The following C16orf46 variants were observed in gnomAD, a reference collection of about 807,000 sequenced individuals.
The protein encoded by C16orf46 is chromosome 16 open reading frame 46.
A neutral mutation model predicts 5.5 loss-of-function variants in C16orf46; 7 were observed. The observed-to-expected ratio is 1.28, with a 90% CI of 0.73 to 2.40. The LOEUF is 2.40. C16orf46 is among the 30% of genes most tolerant of loss of function. The probability of loss-of-function intolerance (pLI) is 0.00; values close to 1 mark genes in which losing one functional copy is unlikely to be tolerated. For missense variants in C16orf46, 614 were observed against 476.0 expected (o/e 1.29, Z -2.70); for synonymous variants, 200 against 184.1 (o/e 1.09, Z -0.70).
chr16:81,065,796 T>C (rs1293891274), intron 2 of C16orf46, among the ~76,000 whole-genome samples: 9 of 148,856 alleles, frequency 6.0e-5, no homozygotes, highest in Non-Finnish European at 1.2e-4. Flanking sequence ...TTTGGCTTTT[T>C]CACATAGGCT....
At chr16:81,074,848 C>G (rs1034196801) in intron 1 of C16orf46, among the ~76,000 whole-genome samples, 1 of 151,894 alleles carries the variant, frequency 6.6e-6, no homozygotes, top group African/African-American at 2.4e-5. Flanking sequence ...TAGATGTAGA[C>G]TCCAAATGCA....
chr16:81,067,117 CGAAA>C (rs924922514), intron 1 of C16orf46, among the ~76,000 whole-genome samples: 22 of 151,972 alleles, frequency 1.4e-4, no homozygotes, highest in African/African-American at 5.3e-4. Context: ...TATTTGGAAA[CGAAA>C]GAAAGATGGT....
intron 1 of C16orf46, among the ~76,000 whole-genome samples, chr16:81,073,007 G>C (rs1971908478): frequency 6.6e-6 from 1 of 152,168 alleles, no homozygotes; most frequent in Non-Finnish European, 1.5e-5. Flanking sequence ...ATAACTGGAT[G>C]AAGAGTTACA....
At chr16:81,074,942 C>T (rs1194743621) in intron 1 of C16orf46, among the ~76,000 whole-genome samples, 1 of 152,132 alleles carries the variant, frequency 6.6e-6, no homozygotes, top group Non-Finnish European at 1.5e-5. Flanking sequence ...TCTGACTTCC[C>T]ACAGTTTGAC....
chr16:81,073,834 G>A (rs1001254534), intron 1 of C16orf46, among the ~76,000 whole-genome samples: 1 of 152,204 alleles, frequency 6.6e-6, no homozygotes, highest in African/African-American at 2.4e-5. Context: ...AGGGATCTCA[G>A]TTCTACAACT....
At position 81,068,620 on chromosome 16, in the gene C16orf46, A is replaced by C. The variant is rs1463240269; in HGVS notation, c.-127-2339T>G. On this transcript the variant is annotated intron_variant, in intron 1 of 3. Transcript: ENST00000299578. ...TCACTATATTGACCAGGCTGGTCTC[A>C]AACTCCTGGCCTCAAGTGATCCTCT... Among the ~76,000 whole-genome samples, 3 of 137,288 alleles carry C rather than the reference A, an allele frequency of 2.2e-5. No homozygotes were observed. The Admixed American group carries it at 2.5e-4, about 11-fold the overall frequency. The allele number at this position is 137,288 out of a possible 152,430, so 90.1% of individuals were successfully genotyped here.
chr16:81,073,842 A>C (rs1971937421), intron 1 of C16orf46, among the ~76,000 whole-genome samples: 1 of 152,362 alleles, frequency 6.6e-6, no homozygotes, highest in South Asian at 2.1e-4. Flanking sequence ...CAGTTCTACA[A>C]CTTCAAGAAA....
downstream of C16orf46, chr16:81,060,863 T>C: frequency 3.3e-6 from 2 of 598,418 alleles, no homozygotes; most frequent in Non-Finnish European, 4.6e-6. Flanking sequence ...GGAGTGGACA[T>C]GAAGCAGGCA....
intron 1 of C16orf46, among the ~76,000 whole-genome samples, chr16:81,066,557 G>A (rs970389004): frequency 1.2e-4 from 18 of 152,130 alleles, no homozygotes; most frequent in Admixed American, 9.2e-4. Context: ...TCCAGCTCAC[G>A]TTAGCAGATG....
chr16:81,062,270 C>T lies in C16orf46; in HGVS notation c.211-132G>A, dbSNP rs894474749. ...TTATTTTTATTTATTTTTTTACTAC[C>T]CCTTCCCCCACTAATAATTTTCTTA... On this transcript the variant is annotated intron_variant, in intron 3 of 3. Transcript: ENST00000299578. The T allele has an allele frequency of 4.2e-6, 3 of 706,918 alleles. No homozygotes were observed. The African/African-American group carries it at 5.5e-5, about 13-fold the overall frequency. The allele number at this position is 706,918 out of a possible 1,614,324, so 43.8% of individuals were successfully genotyped here.
chr16:81,074,396 T>A (rs1210733792), intron 1 of C16orf46, among the ~76,000 whole-genome samples: 1 of 150,838 alleles, frequency 6.6e-6, no homozygotes, highest in Non-Finnish European at 1.5e-5. Context: ...TTTTCTTTCT[T>A]TTTTTTTTAG....
At chr16:81,072,611 C>T (rs1049300008) in intron 1 of C16orf46, among the ~76,000 whole-genome samples, 2 of 152,108 alleles carry the variant, frequency 1.3e-5, no homozygotes, top group South Asian at 2.1e-4. Flanking sequence ...TTCAAATTCC[C>T]GACCTCAGGT....
In C16orf46 at chr16:81,063,761, A is replaced by G; in HGVS notation, c.195T>C (p.Thr65=). 1 of 1,613,250 alleles carries G rather than the reference A, an allele frequency of 6.2e-7. No homozygotes were observed. The highest frequency in any genetic ancestry group is 1.1e-5 in the South Asian group (1 of 91,054). Reference sequence around the variant, plus strand: ...AGATACTCACTGCCTCTTCCCATCCAGTTCCAATAATAAACTCTTTGGCTT... The same window carrying G: ...AGATACTCACTGCCTCTTCCCATCCGGTTCCAATAATAAACTCTTTGGCTT... ...DEKAKEFIIG[T]GWEEAVQGWG... is the part of the protein sequence containing the mutation. Residue 65 remains threonine (T), a synonymous_variant, in exon 3 of 4, where the codon ACT becomes ACC. Coordinates refer to ENST00000299578, the MANE Select transcript of C16orf46 (RefSeq NM_152337.3).
Position 81,061,973 on chromosome 16 carries a change from C to T in C16orf46, c.376G>A (p.Asp126Asn). The T allele has an allele frequency of 6.2e-7, 1 of 1,614,178 alleles. No individual in the cohort carries two copies. The highest frequency in any genetic ancestry group is 8.5e-7 in the Non-Finnish European group (1 of 1,180,042). ...TGAGTCTGGGAGGGGCTGCTCTGAT[C>T]CTTCTCTGGGCCCCCCTCAGTAGGA... ...KPPTEGGPEK[D>N]QSSPSQTQAA... The change falls in exon 4 of 4, where the codon GAT becomes AAT. Residue 126 changes from aspartate (D) to asparagine (N), a missense_variant. Coordinates refer to ENST00000299578, the MANE Select transcript of C16orf46 (RefSeq NM_152337.3).
intron 1 of C16orf46, among the ~76,000 whole-genome samples, chr16:81,076,154 G>A (rs1972033486): frequency 6.6e-6 from 1 of 152,188 alleles, no homozygotes; most frequent in African/African-American, 2.4e-5. Context: ...CAGAAGTTAA[G>A]TTTCTTAATA....
At chr16:81,059,946 G>C (rs760249227), downstream of C16orf46, among the ~76,000 whole-genome samples, 1 of 151,790 alleles carries the variant, frequency 6.6e-6, no homozygotes, top group Non-Finnish European at 1.5e-5. Flanking sequence ...CCGCCACCAC[G>C]CCCGGCTAAT....
At chr16:81,063,414 C>T (rs1477400691) in intron 3 of C16orf46, among the ~76,000 whole-genome samples, 1 of 152,092 alleles carries the variant, frequency 6.6e-6, no homozygotes, top group African/African-American at 2.4e-5. Flanking sequence ...TGGGTGATCT[C>T]GAGCATGTAA....
At chr16:81,072,736 C>G (rs533905048) in intron 1 of C16orf46, among the ~76,000 whole-genome samples, 305 of 150,072 alleles carry the variant, frequency 2.0e-3, no homozygotes, top group African/African-American at 7.2e-3. Flanking sequence ...GAGTCTCACT[C>G]TCTTGCCCAG....
At chr16:81,069,738 T>C (rs904213006) in intron 1 of C16orf46, 7 of 152,150 alleles carry the variant, frequency 4.6e-5, no homozygotes, top group Admixed American at 1.3e-4. Context: ...TCACTGAAAA[T>C]AGAATCCAGA....
Sources: allele counts gnomAD v4.1 joint callset (sites outside exome capture counted in the v4.1 genomes callset), GRCh38; gene constraint gnomAD v4.1.1; transcripts MANE v1.5; gene names NCBI Gene and HGNC (gene_info 2026-07-23, HGNC 2026-07-21).